The following THSD7A variants were observed in gnomAD, a reference collection of about 807,000 sequenced individuals.
THSD7A encodes the protein thrombospondin type 1 domain containing 7A, also known as thrombospondin type-1 domain-containing protein 7A.
THSD7A carries 96 observed loss-of-function variants against 231.3 expected under a neutral mutation model. The ratio of observed to expected loss-of-function variants is 0.41; its 90% confidence interval spans 0.35 to 0.49. The LOEUF (loss-of-function observed/expected upper bound fraction) is 0.49. Ranked by LOEUF, THSD7A falls within the 20% of genes least tolerant of loss-of-function variation. The pLI is 0.05. For missense variants in THSD7A, 2,290 were observed against 2,070.2 expected, an observed-to-expected ratio of 1.11 and a Z score of -2.06; for synonymous variants, 940 against 743.3, an observed-to-expected ratio of 1.26 and a Z score of -4.30.
At chr7:11,516,535 G>A (rs1188877381) in intron 6 of THSD7A, among the ~76,000 whole-genome samples, 1 of 152,176 alleles carries the variant, frequency 6.6e-6, no homozygotes, top group Non-Finnish European at 1.5e-5. Flanking sequence ...TTGCCTGTGT[G>A]CAGAGATGAC....
chr7:11,800,195 G>A (rs996227720), intron 1 of THSD7A, among the ~76,000 whole-genome samples: 17 of 152,246 alleles, frequency 1.1e-4, no homozygotes, highest in African/African-American at 3.6e-4. Flanking sequence ...AAAAAGTTAC[G>A]CTGCTGTCCA....
chr7:11,487,327 T>C (rs1040225067), intron 6 of THSD7A, among the ~76,000 whole-genome samples: 13 of 152,152 alleles, frequency 8.5e-5, no homozygotes, highest in Non-Finnish European at 1.9e-4. Context: ...GATCAGTGGA[T>C]AGTCTTTTTC....
At chr7:11,436,861 T>C (rs970867632) in intron 13 of THSD7A, among the ~76,000 whole-genome samples, 5 of 152,036 alleles carry the variant, frequency 3.3e-5, no homozygotes, top group African/African-American at 9.7e-5. Context: ...GGGAAAGTGT[T>C]ATTTGGATAA....
chr7:11,539,570 A>C (rs1789055463), intron 6 of THSD7A, among the ~76,000 whole-genome samples: 1 of 152,228 alleles, frequency 6.6e-6, no homozygotes, highest in Non-Finnish European at 1.5e-5. Flanking sequence ...CACACATCTA[A>C]GTCATACCTC....
At chr7:11,825,946 A>C (rs1214432101) in intron 1 of THSD7A, among the ~76,000 whole-genome samples, 1 of 152,192 alleles carries the variant, frequency 6.6e-6, no homozygotes. Context: ...TTTTATGACT[A>C]CCTGGAATGA....
At chr7:11,394,025 G>T (rs1165433452) in intron 23 of THSD7A, among the ~76,000 whole-genome samples, 1 of 152,098 alleles carries the variant, frequency 6.6e-6, no homozygotes, top group African/African-American at 2.4e-5. Context: ...ACACCACAAA[G>T]ATACTCCTTG....
intron 9 of THSD7A, among the ~76,000 whole-genome samples, chr7:11,464,133 T>C (rs1213549105): frequency 6.6e-6 from 1 of 152,138 alleles, no homozygotes; most frequent in African/African-American, 2.4e-5. Flanking sequence ...TTTTTTTCTT[T>C]TGTTTTATGT....
At chr7:11,797,463 C>G (rs978117847) in intron 1 of THSD7A, among the ~76,000 whole-genome samples, 1 of 140,510 alleles carries the variant, frequency 7.1e-6, no homozygotes, top group Non-Finnish European at 1.5e-5. Context: ...GTAACCCACG[C>G]TGGAGTGCAG....
chr7:11,379,469 C>A, intron 25 of THSD7A, 161 bp downstream of exon 25: 1 of 861,662 alleles, frequency 1.2e-6, no homozygotes, highest in Non-Finnish European at 1.8e-6. Context: ...AAGGTGAAAG[C>A]AAGTGAAGTC....
At chr7:11,799,146 C>T (rs1006027039) in intron 1 of THSD7A, among the ~76,000 whole-genome samples, 6 of 152,176 alleles carry the variant, frequency 3.9e-5, no homozygotes, top group Admixed American at 2.0e-4. Context: ...TGGTCTCGAT[C>T]TCTTGACCTC....
chr7:11,378,533 T>A (rs192180867), intron 26 of THSD7A, among the ~76,000 whole-genome samples: 1 of 152,226 alleles, frequency 6.6e-6, no homozygotes, highest in East Asian at 1.9e-4. Flanking sequence ...CTCCATTGTC[T>A]CCCTGTTTAT....
chr7:11,394,497 A>C (rs1247965094), intron 23 of THSD7A, among the ~76,000 whole-genome samples: 2 of 152,218 alleles, frequency 1.3e-5, no homozygotes, highest in Admixed American at 6.5e-5. Flanking sequence ...GAGAATAGCC[A>C]AAGGCAGCTG....
intron 1 of THSD7A, among the ~76,000 whole-genome samples, chr7:11,721,861 A>G (rs1317857022): frequency 6.6e-6 from 1 of 151,870 alleles, no homozygotes; most frequent in Non-Finnish European, 1.5e-5. Flanking sequence ...AGCCCCACTT[A>G]TATCTCTACA....
At chr7:11,803,214 C>T (rs1456543236) in intron 1 of THSD7A, among the ~76,000 whole-genome samples, 1 of 152,032 alleles carries the variant, frequency 6.6e-6, no homozygotes, top group Non-Finnish European at 1.5e-5. Flanking sequence ...GTTTGGGTGA[C>T]CAGACAGGCT....
intron 4 of THSD7A, among the ~76,000 whole-genome samples, chr7:11,554,775 T>G (rs1425071190): frequency 6.6e-6 from 1 of 152,012 alleles, no homozygotes; most frequent in Non-Finnish European, 1.5e-5. Flanking sequence ...CTTTGTTGCC[T>G]CTTTTTTTCT....
At chr7:11,619,263 T>C (rs1325489670) in intron 2 of THSD7A, among the ~76,000 whole-genome samples, 1 of 152,126 alleles carries the variant, frequency 6.6e-6, no homozygotes, top group Non-Finnish European at 1.5e-5. Context: ...CCAGATGTGA[T>C]TTAACTATGA....
chr7:11,683,386 A>G (rs535813592), intron 1 of THSD7A, among the ~76,000 whole-genome samples: 14 of 152,046 alleles, frequency 9.2e-5, no homozygotes, highest in African/African-American at 3.4e-4. Context: ...TCAGAGCAGA[A>G]CTAAATAACA....
In THSD7A at chr7:11,453,326, CTT is replaced by C. The variant is rs5882310; in HGVS notation, c.2606-5904_2606-5903del. On this transcript the variant is annotated intron_variant, in intron 11 of 27. Transcript: ENST00000423059. ...GGGAGAATTAGAATTTTTCTTTTAC[CTT>C]TTTTTTTTTTTAAGGACTCTCCTTT... Among the ~76,000 whole-genome samples the C allele has an allele frequency of 4.3e-3, 631 of 146,572 alleles. 3 individuals are homozygous for C. Among genetic ancestry groups the C allele is most frequent in the African/African-American group, 7.5e-3 (300 of 40,192 alleles).
At chr7:11,553,215 G>C (rs1027926474) in intron 4 of THSD7A, among the ~76,000 whole-genome samples, 7 of 152,100 alleles carry the variant, frequency 4.6e-5, no homozygotes, top group African/African-American at 1.7e-4. Flanking sequence ...CTACTTAACA[G>C]TTGTCCCTAT....
Sources: gnomAD v4.1 joint callset for allele counts (sites outside exome capture counted in the v4.1 genomes callset) on GRCh38, gnomAD v4.1.1 for gene constraint, MANE v1.5 for transcripts, NCBI Gene and HGNC (gene_info 2026-07-23, HGNC 2026-07-21) for gene names.